The following OSMR variants were observed in gnomAD, a reference collection of about 807,000 sequenced individuals.
The protein encoded by OSMR is oncostatin M receptor, also known as oncostatin-M-specific receptor subunit beta.
In OSMR, 81 loss-of-function variants were observed where a neutral mutation model predicts 99.9. The ratio of observed to expected loss-of-function variants is 0.81; its 90% CI spans 0.68 to 0.97. OSMR has a LOEUF of 0.97. Among genes scored for constraint, OSMR ranks in the 50% least tolerant of loss-of-function variants. OSMR has a pLI of 0.00. For missense variants in OSMR, 1,099 were observed against 1,153.4 expected, an observed-to-expected ratio of 0.95 and a Z score of 0.68; for synonymous variants, 406 against 410.4, an observed-to-expected ratio of 0.99 and a Z score of 0.13.
At chr5:38,904,251 A>T (rs1745077085) in intron 8 of OSMR, 102 bp from the exon 9 acceptor site, 1 of 1,546,718 alleles carries the variant, frequency 6.5e-7, no homozygotes, top group Admixed American at 2.0e-5. Flanking sequence ...CCAGGTCAGG[A>T]TTTGCTGTGC....
intron 1 of OSMR, among the ~76,000 whole-genome samples, chr5:38,862,074 A>G (rs1741423271): frequency 1.1e-5 from 1 of 87,546 alleles, no homozygotes. Context: ...CACCTCCCGG[A>G]CGGGGCGGCT....
At chr5:38,918,597 C>A in intron 10 of OSMR, 1 of 269,590 alleles carries the variant, frequency 3.7e-6, no homozygotes, top group Non-Finnish European at 5.7e-6. Flanking sequence ...GCACTCTTCT[C>A]AGGGCACATA....
At chr5:38,932,706 CAG>C (rs1378464163) in intron 17 of OSMR, 164 bp from the exon 18 acceptor site, 1 of 985,210 alleles carries the variant, frequency 1.0e-6, no homozygotes, top group Non-Finnish European at 1.2e-6. Context: ...TTTCTTCTGT[CAG>C]GGGAAATCTT....
intron 2 of OSMR, among the ~76,000 whole-genome samples, chr5:38,872,282 G>A (rs1561350793): frequency 2.0e-5 from 3 of 152,194 alleles, no homozygotes; most frequent in Non-Finnish European, 2.9e-5. Context: ...CACTGATAGC[G>A]TATGTTAATA....
intron 2 of OSMR, among the ~76,000 whole-genome samples, chr5:38,869,529 A>G (rs1246029259): frequency 2.0e-5 from 3 of 152,328 alleles, no homozygotes; most frequent in South Asian, 2.1e-4. Context: ...TCCCTCAACT[A>G]TGTTCATTGA....
rs963105065 is a variant in OSMR at position 38,881,622 on chromosome 5, C to A, written c.276C>A (p.Asn92Lys). The change falls in exon 4 of 18, where the codon AAC becomes AAA. Residue 92 changes from asparagine (N) to lysine (K), a missense_variant. By Grantham distance (94) the Asn-to-Lys change is moderately conservative. Transcript: ENST00000274276. ...ATTACAGCACCACTGTGAAGTGGAA[C>A]CAGGTTCTGCATTGGAGCTGGGAAT... Reference protein sequence around the residue: ...VGNYSTTVKWNQVLHWSWESE... With the variant: ...VGNYSTTVKWKQVLHWSWESE... 15 of 1,613,976 alleles carry A rather than the reference C, an allele frequency of 9.3e-6. No homozygotes were observed. Among genetic ancestry groups the A allele is most frequent in the Non-Finnish European group, 1.3e-5 (15 of 1,179,988 alleles).
intron 15 of OSMR, among the ~76,000 whole-genome samples, chr5:38,931,278 T>C (rs553624270): frequency 6.6e-6 from 1 of 152,292 alleles, no homozygotes; most frequent in Admixed American, 6.5e-5. Context: ...ATCTATCTTT[T>C]TATGCTCATG....
intron 1 of OSMR, among the ~76,000 whole-genome samples, chr5:38,866,515 C>T (rs1410871689): frequency 6.6e-6 from 1 of 152,144 alleles, no homozygotes; most frequent in Non-Finnish European, 1.5e-5. Flanking sequence ...AGTTGTTCCC[C>T]CGGGTATAGA....
chr5:38,874,904 T>C (rs918645538), intron 2 of OSMR, among the ~76,000 whole-genome samples: 2 of 152,232 alleles, frequency 1.3e-5, no homozygotes, highest in African/African-American at 4.8e-5. Context: ...GCACTGTGCA[T>C]GGTAAATAAC....
chr5:38,871,066 G>A (rs149880445), intron 2 of OSMR, among the ~76,000 whole-genome samples: 1 of 152,182 alleles, frequency 6.6e-6, no homozygotes, highest in African/African-American at 2.4e-5. Flanking sequence ...GGAACAGAGG[G>A]AATTGGGGAA....
chr5:38,944,972 C>A lies in OSMR; in HGVS notation c.*113C>A, dbSNP rs1161028536. On this transcript the variant is annotated 3_prime_UTR_variant and NMD_transcript_variant, in exon 3 of 3. Coordinates refer to the OSMR transcript ENST00000508882. ...TGAGCCTTCTTGAGACACCCCATCA[C>A]TGCATCCAGAAATCCCCGAAAACTT... is the stretch of plus-strand genomic sequence containing the variant. 4 of 1,613,888 alleles carry A rather than the reference C, an allele frequency of 2.5e-6. No homozygotes were observed. The East Asian group carries it at 8.9e-5, about 36-fold the overall frequency.
chr5:38,874,585 G>A (rs1297400676), intron 2 of OSMR, among the ~76,000 whole-genome samples: 4 of 152,142 alleles, frequency 2.6e-5, no homozygotes, highest in African/African-American at 9.7e-5. Flanking sequence ...AGTTTATCTG[G>A]CTCCATGCAG....
intron 7 of OSMR, among the ~76,000 whole-genome samples, chr5:38,897,574 T>C (rs1459885328): frequency 6.6e-6 from 1 of 152,050 alleles, no homozygotes; most frequent in East Asian, 1.9e-4. Flanking sequence ...TCAATTTTGT[T>C]TATCTTTTCA....
chr5:38,893,338 A>C (rs1265780544), intron 7 of OSMR, among the ~76,000 whole-genome samples: 1 of 152,222 alleles, frequency 6.6e-6, no homozygotes, highest in Non-Finnish European at 1.5e-5. Flanking sequence ...CCTGAACCCA[A>C]ATGGAAACTC....
At chr5:38,882,052 C>T (rs1292370974) in intron 4 of OSMR, among the ~76,000 whole-genome samples, 1 of 152,082 alleles carries the variant, frequency 6.6e-6, no homozygotes, top group Non-Finnish European at 1.5e-5. Flanking sequence ...GCTAAGTGAA[C>T]AAAGCAAGAC....
At chr5:38,924,725 A>G in intron 14 of OSMR, 130 bp downstream of exon 14, 1 of 855,984 alleles carries the variant, frequency 1.2e-6, no homozygotes, top group South Asian at 1.4e-5. Flanking sequence ...TATACTGGAA[A>G]GGTGTTCTTA....
At chr5:38,897,410 G>C (rs1846984) in intron 7 of OSMR, among the ~76,000 whole-genome samples, 99,155 of 151,836 alleles carry the variant, frequency 0.65, 32,616 homozygotes, top group African/African-American at 0.71. Context: ...TCTATTTCTT[G>C]TAGATTTTCC....
chr5:38,889,051 A>G (rs1343296570), intron 7 of OSMR, among the ~76,000 whole-genome samples: 3 of 151,606 alleles, frequency 2.0e-5, no homozygotes, highest in Admixed American at 2.0e-4. Context: ...ATGATAATCT[A>G]TTTTTTTCCC....
intron 1 of OSMR, among the ~76,000 whole-genome samples, chr5:38,848,233 CCTT>C (rs1470816817): frequency 6.6e-6 from 1 of 152,116 alleles, no homozygotes; most frequent in Non-Finnish European, 1.5e-5. Flanking sequence ...GGGAGAAAAT[CCTT>C]CTTGATTGCT....
Sources: allele counts gnomAD v4.1 joint callset (sites outside exome capture counted in the v4.1 genomes callset), GRCh38; gene constraint gnomAD v4.1.1; transcripts MANE v1.5; gene names NCBI Gene and HGNC (gene_info 2026-07-23, HGNC 2026-07-21).